The following ESRRG variants were observed in gnomAD, a reference collection of about 807,000 sequenced individuals.
ESRRG encodes the protein estrogen related receptor gamma.
A neutral mutation model predicts 44.0 loss-of-function variants in ESRRG; 13 were observed. The ratio of observed to expected loss-of-function variants is 0.30; its 90% CI spans 0.19 to 0.47. The LOEUF is 0.47. Ranked by LOEUF, ESRRG falls within the 20% of genes least tolerant of loss-of-function variation. The pLI, the probability that ESRRG is intolerant of heterozygous loss-of-function variation, is 1.00. For missense variants in ESRRG, 395 were observed against 580.6 expected (o/e 0.68, Z 3.29); for synonymous variants, 215 against 214.6 (o/e 1.00, Z -0.02).
chr1:216,994,034 T>C (rs1426023178), intron 1 of ESRRG, among the ~76,000 whole-genome samples: 2 of 152,224 alleles, frequency 1.3e-5, no homozygotes, highest in East Asian at 1.9e-4. Context: ...TTTTACTCCT[T>C]GCAAAGACTT....
intron 1 of ESRRG, among the ~76,000 whole-genome samples, chr1:217,069,679 G>T (rs1316787567): frequency 6.6e-6 from 1 of 151,984 alleles, no homozygotes; most frequent in Non-Finnish European, 1.5e-5. Context: ...AAACAAACAT[G>T]CAAAGCAGGA....
rs114106167 is a variant in ESRRG at position 216,844,414 on chromosome 1, T to C, written c.-14+95168A>G. 3.4e-3 allele frequency among the ~76,000 whole-genome samples: 524 copies of C among 152,204 alleles called. 2 individuals carry two copies. Among genetic ancestry groups the C allele is most frequent in the African/African-American group, 0.012 (508 of 41,546 alleles). On this transcript the variant is annotated intron_variant, in intron 2 of 7. Coordinates refer to the ESRRG transcript ENST00000359162. Reference sequence around the variant, plus strand: ...CGTCAAACCTCCCCGAAGCTTGCTATGGTAAATTGAATGAAATCTGCACTC... The same window carrying C: ...CGTCAAACCTCCCCGAAGCTTGCTACGGTAAATTGAATGAAATCTGCACTC...
At chr1:216,613,175 C>T (rs1450413466) in intron 3 of ESRRG, among the ~76,000 whole-genome samples, 1 of 152,052 alleles carries the variant, frequency 6.6e-6, no homozygotes, top group African/African-American at 2.4e-5. Context: ...CTTTGGAAGT[C>T]TTTTGGTCAT....
intron 3 of ESRRG, among the ~76,000 whole-genome samples, chr1:216,571,524 T>C (rs565059332): frequency 3.9e-5 from 6 of 152,294 alleles, no homozygotes; most frequent in Admixed American, 3.9e-4. Context: ...GCATTTCTCT[T>C]TCACCTTCAA....
intron 1 of ESRRG, among the ~76,000 whole-genome samples, chr1:217,106,389 TATGC>T (rs763777474): frequency 0.16 from 22,983 of 145,140 alleles, 1,839 homozygotes; most frequent in Middle Eastern, 0.24. Flanking sequence ...CACACTCACA[TATGC>T]ACACACACAC....
chr1:216,659,090 A>G (rs1214346937), intron 2 of ESRRG, among the ~76,000 whole-genome samples: 1 of 152,202 alleles, frequency 6.6e-6, no homozygotes, highest in Non-Finnish European at 1.5e-5. Flanking sequence ...ATTATGTGAA[A>G]TGAAGATATT....
chr1:216,949,309 T>A (rs1275588454), intron 1 of ESRRG, among the ~76,000 whole-genome samples: 1 of 152,204 alleles, frequency 6.6e-6, no homozygotes, highest in East Asian at 1.9e-4. Context: ...TACTGCAAAA[T>A]AAGTGAAATA....
intron 2 of ESRRG, chr1:216,805,131 T>C (rs1385492035): frequency 6.6e-6 from 1 of 152,180 alleles, no homozygotes; most frequent in East Asian, 1.9e-4. Flanking sequence ...TGGCAGTAAG[T>C]AGTCTGTTGT....
chr1:216,589,394 G>T lies in ESRRG; in HGVS notation c.590-21296C>A, dbSNP rs1157689396. ...TGTTTATTACTTTTTTAGCTCATTA[G>T]CTATCATTAGTGTTAGTGTATTTCA... is the stretch of plus-strand genomic sequence containing the variant. On this transcript the variant is annotated intron_variant, in intron 3 of 6. Transcript: ENST00000408911. 3.3e-5 allele frequency among the ~76,000 whole-genome samples: 5 copies of T among 152,134 alleles called. No homozygotes were observed. In the East Asian group the frequency reaches 9.7e-4, roughly 29 times the overall value.
chr1:216,511,667 C>T (rs2809291), intron 6 of ESRRG, among the ~76,000 whole-genome samples: 39,418 of 151,888 alleles, frequency 0.26, 5,234 homozygotes, highest in Non-Finnish European at 0.29. Flanking sequence ...CTGGAAGGCA[C>T]CTTGAGTGCC....
intron 1 of ESRRG, among the ~76,000 whole-genome samples, chr1:216,721,870 T>A (rs1488458579): frequency 6.6e-6 from 1 of 152,208 alleles, no homozygotes; most frequent in Non-Finnish European, 1.5e-5. Flanking sequence ...ATCTTAAGGT[T>A]GTTTCTTCCC....
intron 2 of ESRRG, among the ~76,000 whole-genome samples, chr1:216,802,621 A>G (rs1040643931): frequency 2.0e-4 from 30 of 152,150 alleles, no homozygotes; most frequent in African/African-American, 7.2e-4. Context: ...ACTTCTGAGC[A>G]TGGGGCCCTG....
At chr1:216,738,261 G>A (rs1323393883) in intron 2 of ESRRG, among the ~76,000 whole-genome samples, 1 of 152,160 alleles carries the variant, frequency 6.6e-6, no homozygotes, top group Admixed American at 6.5e-5. Context: ...TTAGGGTAAA[G>A]TGAAGACCAT....
Position 216,983,234 on chromosome 1 carries a change from T to C in ESRRG, c.-105-43561A>G, listed in dbSNP as rs114937442. Among the ~76,000 whole-genome samples the C allele has an allele frequency of 7.1e-3, 1,063 of 150,686 alleles. 8 individuals are homozygous for C. The highest frequency in any genetic ancestry group is 0.023 in the African/African-American group (940 of 40,102). On this transcript the variant is annotated intron_variant, in intron 1 of 7. Transcript: ENST00000359162. ...GTATACCAAGACAGTGGTATTGATT[T>C]TTTTATTTTTTTTTTGAGACAGGGT...
intron 1 of ESRRG, among the ~76,000 whole-genome samples, chr1:217,103,103 T>C (rs913392255): frequency 6.6e-6 from 1 of 151,516 alleles, no homozygotes; most frequent in African/African-American, 2.4e-5. Flanking sequence ...AAGGCTTGGA[T>C]TGGAGATTTG....
intron 2 of ESRRG, among the ~76,000 whole-genome samples, chr1:216,792,172 A>G (rs536454813): frequency 6.6e-6 from 1 of 152,288 alleles, no homozygotes; most frequent in Non-Finnish European, 1.5e-5. Context: ...CATAATAACA[A>G]GAAGCATGTG....
chr1:216,648,152 C>T (rs1206003570), intron 3 of ESRRG, among the ~76,000 whole-genome samples: 3 of 152,300 alleles, frequency 2.0e-5, no homozygotes, highest in African/African-American at 4.8e-5. Flanking sequence ...GTATCATTCT[C>T]TCCAGGCTTA....
rs1291414028 is a variant in ESRRG, at chr1:216,529,752, T to C, written c.863-10331A>G. 2.0e-5 allele frequency among the ~76,000 whole-genome samples: 3 copies of C among 152,154 alleles called. No homozygotes were observed. The East Asian group carries it at 5.8e-4, about 29-fold the overall frequency. On this transcript the variant is annotated intron_variant, in intron 5 of 6. Transcript: ENST00000408911. Reference sequence around the variant, plus strand: ...TCCCACACGTGAAGTTTAATAATAATATTTTTAAAGGTGAAATGAACTGCT... The same window carrying C: ...TCCCACACGTGAAGTTTAATAATAACATTTTTAAAGGTGAAATGAACTGCT...
intron 2 of ESRRG, among the ~76,000 whole-genome samples, chr1:216,813,907 T>C (rs2095052776): frequency 6.6e-6 from 1 of 152,202 alleles, no homozygotes; most frequent in African/African-American, 2.4e-5. Flanking sequence ...CATTAACTGG[T>C]GTTTATTAAT....
Sources: gnomAD v4.1 joint callset for allele counts (sites outside exome capture counted in the v4.1 genomes callset) on GRCh38, gnomAD v4.1.1 for gene constraint, MANE v1.5 for transcripts, NCBI Gene and HGNC (gene_info 2026-07-23, HGNC 2026-07-21) for gene names.